PRKG2: variants seen among roughly 807,000 people sequenced by gnomAD.
PRKG2 encodes the protein cGMP-dependent protein kinase 2.
In PRKG2, 33 loss-of-function variants were observed where a neutral mutation model predicts 97.2. The observed-to-expected ratio is 0.34, with a 90% CI of 0.26 to 0.45. The LOEUF (loss-of-function observed/expected upper bound fraction) is 0.45. Among genes scored for constraint, PRKG2 ranks in the 20% least tolerant of loss-of-function variants. The pLI is 1.00. For missense variants in PRKG2, 638 were observed against 900.0 expected (o/e 0.71, Z 3.73); for synonymous variants, 330 against 321.8 (o/e 1.03, Z -0.27).
intron 14 of PRKG2, among the ~76,000 whole-genome samples, chr4:81,123,720 A>T (rs1210512843): frequency 1.3e-5 from 2 of 152,156 alleles, no homozygotes; most frequent in Non-Finnish European, 2.9e-5. Flanking sequence ...TATTTTTTAA[A>T]TGTATTTGAC....
At chr4:81,117,961 C>T (rs79099414) in intron 14 of PRKG2, among the ~76,000 whole-genome samples, 1 of 152,164 alleles carries the variant, frequency 6.6e-6, no homozygotes, top group South Asian at 2.1e-4. Context: ...AGTATTTTCA[C>T]TGCCCTAAAA....
At chr4:81,195,281 C>T (rs1752888029) in intron 2 of PRKG2, among the ~76,000 whole-genome samples, 1 of 152,130 alleles carries the variant, frequency 6.6e-6, no homozygotes, top group South Asian at 2.1e-4. Context: ...AAAATCCCTA[C>T]TCTCCTCTCC....
At chr4:81,194,642 A>G (rs1458752890) in intron 2 of PRKG2, among the ~76,000 whole-genome samples, 1 of 151,940 alleles carries the variant, frequency 6.6e-6, no homozygotes, top group Non-Finnish European at 1.5e-5. Flanking sequence ...TTTTATTCCC[A>G]TGAGCATCAA....
intron 2 of PRKG2, among the ~76,000 whole-genome samples, chr4:81,201,010 A>G (rs1028247878): frequency 5.9e-5 from 9 of 152,024 alleles, no homozygotes; most frequent in African/African-American, 1.9e-4. Flanking sequence ...GCCCACCTCA[A>G]TCTCACAGGC....
At chr4:81,202,883 T>G (rs1331957422) in intron 2 of PRKG2, among the ~76,000 whole-genome samples, 2 of 152,068 alleles carry the variant, frequency 1.3e-5, no homozygotes, top group African/African-American at 4.8e-5. Context: ...AACATAATCT[T>G]GGTTCAAGAG....
At position 81,189,764 on chromosome 4, in the gene PRKG2, GAATAAT is replaced by G. The variant is rs988216303; in HGVS notation, c.462-14811_462-14806del. ...TACCCTAAAACTTAAAGTATAATAA[GAATAAT>G]AATAAAAAGAAAAAAAACAGACAGA... is the stretch of plus-strand genomic sequence containing the variant. On this transcript the variant is annotated intron_variant, in intron 2 of 18. Transcript: ENST00000264399. Among the ~76,000 whole-genome samples, 5 of 98,992 alleles carry G rather than the reference GAATAAT, an allele frequency of 5.1e-5. No individual in the cohort carries two copies. The African/African-American group carries it at 6.4e-4, about 13-fold the overall frequency. 64.9% of individuals were successfully genotyped at this position (98,992 alleles called of 152,430 possible). A position where few individuals can be genotyped will look rare whatever the true frequency, so the allele number is the denominator to read the frequency against.
chr4:81,195,784 G>A (rs1442125809), intron 2 of PRKG2, among the ~76,000 whole-genome samples: 2 of 152,162 alleles, frequency 1.3e-5, no homozygotes, highest in African/African-American at 2.4e-5. Context: ...CGGACACGGG[G>A]TTGTTTCTGC....
intron 5 of PRKG2, 129 bp from the exon 6 acceptor site, chr4:81,167,353 G>A: frequency 1.8e-6 from 1 of 549,434 alleles, no homozygotes; most frequent in Non-Finnish European, 3.1e-6. Context: ...CAAAGTAAAT[G>A]TCCAAATAAC....
intron 2 of PRKG2, among the ~76,000 whole-genome samples, chr4:81,183,419 C>A (rs1751592575): frequency 6.6e-6 from 1 of 152,082 alleles, no homozygotes; most frequent in Admixed American, 6.5e-5. Context: ...CCAAGGGAAG[C>A]CATGAGGGAC....
chr4:81,150,071 T>C (rs1282991092), intron 8 of PRKG2, among the ~76,000 whole-genome samples: 1 of 152,082 alleles, frequency 6.6e-6, no homozygotes, highest in Non-Finnish European at 1.5e-5. Context: ...TGTGCTTGTA[T>C]ATGTAGAGGT....
chr4:81,141,048 C>T (rs1038217961), intron 11 of PRKG2, among the ~76,000 whole-genome samples: 33 of 151,902 alleles, frequency 2.2e-4, no homozygotes, highest in African/African-American at 7.5e-4. Flanking sequence ...CAGGGTCTCA[C>T]TCTGTCGCCC....
intron 16 of PRKG2, 36 bp from the exon 17 acceptor site, chr4:81,104,468 A>ATTATAT: frequency 1.0e-6 from 1 of 975,926 alleles, no homozygotes; most frequent in Non-Finnish European, 1.4e-6. Flanking sequence ...ATTTATAATA[A>ATTATAT]TTATATTTAT....
intron 17 of PRKG2, 123 bp from the exon 18 acceptor site, chr4:81,092,575 T>C (rs1578320656): frequency 1.5e-6 from 1 of 679,826 alleles, no homozygotes; most frequent in East Asian, 2.6e-5. Flanking sequence ...GCATGTCAAG[T>C]TATCTGTCAT....
At chr4:81,100,268 C>T (rs1742597901) in intron 17 of PRKG2, among the ~76,000 whole-genome samples, 1 of 152,044 alleles carries the variant, frequency 6.6e-6, no homozygotes, top group Non-Finnish European at 1.5e-5. Flanking sequence ...CAATCCTAAG[C>T]CAAAAGAACA....
chr4:81,127,411 G>A (rs983633013), intron 14 of PRKG2, among the ~76,000 whole-genome samples: 1 of 152,094 alleles, frequency 6.6e-6, no homozygotes, highest in South Asian at 2.1e-4. Flanking sequence ...AAGAAAGTCA[G>A]TGGTAGCTTG....
chr4:81,165,332 C>T (rs978800603), intron 6 of PRKG2, among the ~76,000 whole-genome samples: 4 of 152,138 alleles, frequency 2.6e-5, no homozygotes, highest in Non-Finnish European at 5.9e-5. Flanking sequence ...CCCTTCCTTA[C>T]CCCCTGCTAC....
intron 12 of PRKG2, among the ~76,000 whole-genome samples, chr4:81,139,612 A>G (rs1327090608): frequency 8.3e-6 from 1 of 120,912 alleles, no homozygotes. Context: ...CTAAAAATAG[A>G]AAAAAAAAAA....
intron 2 of PRKG2, among the ~76,000 whole-genome samples, chr4:81,202,882 T>G (rs980644563): frequency 1.3e-5 from 2 of 152,052 alleles, no homozygotes; most frequent in Non-Finnish European, 2.9e-5. Flanking sequence ...GAACATAATC[T>G]TGGTTCAAGA....
chr4:81,167,213 A>G lies in PRKG2; in HGVS notation c.860T>C (p.Leu287Pro). Residue 287 changes from leucine to proline, a missense_variant, in exon 6 of 19, where the codon CTG (leucine) becomes CCG (proline). Physicochemically the swap from Leu to Pro is moderately conservative, Grantham distance 98. Coordinates refer to ENST00000264399, the MANE Select transcript of PRKG2 (RefSeq NM_006259.3). ...YRNFLRSVSL[L>P]KNLPEDKLTK... ...TAATTTATCTTCAGGTAAATTCTTCAGCAAGGATACACTTCAAAATTAAAA... is the reference window on the plus strand; with the variant it reads ...TAATTTATCTTCAGGTAAATTCTTCGGCAAGGATACACTTCAAAATTAAAA... The G allele has an allele frequency of 3.8e-6, 6 of 1,592,276 alleles. No individual in the cohort carries two copies. The highest frequency in any genetic ancestry group is 5.1e-6 in the Non-Finnish European group (6 of 1,169,432).
Sources: allele counts gnomAD v4.1 joint callset (sites outside exome capture counted in the v4.1 genomes callset), GRCh38; gene constraint gnomAD v4.1.1; transcripts MANE v1.5; gene names NCBI Gene and HGNC (gene_info 2026-07-23, HGNC 2026-07-21).